Variants in MYL5 observed in about 807,000 individuals in gnomAD.
The protein encoded by MYL5 is myosin regulatory light chain 5.
In MYL5, 28 loss-of-function variants were observed where a neutral mutation model predicts 20.8. The ratio of observed to expected loss-of-function variants is 1.35; its 90% CI spans 1.00 to 1.84. MYL5 has a LOEUF of 1.84. Ranked by LOEUF, MYL5 falls within the 40% of genes most tolerant of loss-of-function variation. The pLI, the probability that MYL5 is intolerant of heterozygous loss-of-function variation, is 0.00. For synonymous variants in MYL5, 118 were observed against 87.4 expected (o/e 1.35, Z -1.95); for missense variants, 274 against 227.3 (o/e 1.21, Z -1.32).
chr4:681,405 G>A (rs1179925302), intron 6 of MYL5, among the ~76,000 whole-genome samples: 1 of 152,014 alleles, frequency 6.6e-6, no homozygotes, highest in Non-Finnish European at 1.5e-5. Context: ...CAGCCGGAGG[G>A]GCGGGGCTCA....
exon 4 of MYL5, chr4:679,930 G>A (rs765054495): frequency 6.2e-7 from 1 of 1,613,758 alleles, no homozygotes. Flanking sequence ...CCAACGTCAA[G>A]GACGACGAGC....
intron 5 of MYL5, 75 bp from the exon 8 acceptor site, chr4:681,017 G>C (rs1739424601): frequency 6.6e-7 from 1 of 1,517,256 alleles, no homozygotes; most frequent in Non-Finnish European, 8.9e-7. Context: ...TGGGGCCCCT[G>C]GAGCACCTGA....
chr4:679,766 A>G, intron 3 of MYL5, 148 bp from the exon 6 acceptor site: 1 of 651,902 alleles, frequency 1.5e-6, no homozygotes. Flanking sequence ...AGATGCACCC[A>G]CTGCCCCACG....
upstream of MYL5, chr4:677,837 C>A: frequency 1.1e-6 from 1 of 901,460 alleles, no homozygotes; most frequent in Non-Finnish European, 1.8e-6. Flanking sequence ...TGAGGCAGGG[C>A]AAGGGTGTGA....
chr4:679,170 C>CG (rs1365566147), intron 3 of MYL5, 137 bp downstream of exon 5: 1 of 869,416 alleles, frequency 1.2e-6, no homozygotes, highest in Non-Finnish European at 1.9e-6. Flanking sequence ...CCTGAAGCTG[C>CG]AAGGTGATGG....
At chr4:678,716 C>T (rs1275846445) in exon 2 of MYL5, 3 of 1,612,338 alleles carry the variant, frequency 1.9e-6, no homozygotes, top group South Asian at 1.1e-5. Flanking sequence ...AGAGCCTCAT[C>T]CAATGTCTTC....
intron 5 of MYL5, chr4:680,852 G>A: frequency 1.6e-6 from 1 of 636,042 alleles, no homozygotes; most frequent in Middle Eastern, 4.3e-4. Flanking sequence ...AGGCGCCGGG[G>A]AAAGTACCAG....
intron 6 of MYL5, among the ~76,000 whole-genome samples, chr4:681,543 C>A (rs1739542447): frequency 6.7e-6 from 1 of 148,634 alleles, no homozygotes; most frequent in Admixed American, 6.7e-5. Flanking sequence ...TCCTCCCCGA[C>A]GCTGCTGAAG....
intron 1 of MYL5, 107 bp from the exon 4 acceptor site, chr4:678,551 G>C: frequency 6.7e-7 from 1 of 1,482,402 alleles, no homozygotes; most frequent in Non-Finnish European, 9.0e-7. Context: ...CCAGCCCGAA[G>C]GGCTGAGGTC....
chr4:678,196 G>T, intron 1 of MYL5, 167 bp downstream of exon 3: 2 of 1,524,110 alleles, frequency 1.3e-6, no homozygotes, highest in Non-Finnish European at 1.8e-6. Context: ...GTGTATGTGC[G>T]TGTGTGTGAC....
Position 680,508 on chromosome 4 carries a change from G to A in MYL5, c.293-1G>A, listed in dbSNP as rs1315773708. 1.2e-6 allele frequency: 2 copies of A among 1,613,474 alleles called. No homozygotes were observed. The highest frequency in any genetic ancestry group is 1.7e-6 in the Non-Finnish European group (2 of 1,179,902). ...CTGGGCTGAAGGTGCCTTTGTGGCA[G>A]GTACCGACGCCGAGGAGACCATTCT... On this transcript the variant is annotated splice_acceptor_variant, in intron 4 of 6. Transcript: ENST00000400159. LOFTEE classifies it high-confidence loss of function.
At chr4:681,224 C>T (rs1186021016) in intron 6 of MYL5, 84 bp downstream of exon 8, 7 of 1,493,608 alleles carry the variant, frequency 4.7e-6, no homozygotes, top group Non-Finnish European at 6.4e-6. Context: ...ACGCGGAGCC[C>T]GAGGAGCAGC....
At chr4:677,088 C>A (rs1370585533), upstream of MYL5, among the ~76,000 whole-genome samples, 1 of 152,228 alleles carries the variant, frequency 6.6e-6, no homozygotes, top group Non-Finnish European at 1.5e-5. Flanking sequence ...GTCACTCCCA[C>A]CACTGCCCCT....
Position 681,939 on chromosome 4 carries a change from T to G in MYL5, c.467T>G (p.Leu156Arg), listed in dbSNP as rs1294470632. 3.0e-6 allele frequency: 4 copies of G among 1,332,112 alleles called. No homozygotes were observed. The highest frequency in any genetic ancestry group is 3.9e-6 in the Non-Finnish European group (4 of 1,029,830). The allele number at this position is 1,332,112 out of a possible 1,614,324, so 82.5% of individuals were successfully genotyped here. The change falls in exon 7 of 7, where the codon CTG (leucine) becomes CGG (arginine). Residue 156 changes from leucine (L) to arginine (R), a missense_variant. Coordinates refer to ENST00000400159, the Ensembl canonical transcript of MYL5. ...GCCTCCATCGATGTGGCGGGCAACC[T>G]GGACTACAAGGCGCTCAGCTACGTG...
upstream of MYL5, among the ~76,000 whole-genome samples, chr4:676,667 C>T (rs1047436027): frequency 1.3e-5 from 2 of 152,012 alleles, no homozygotes; most frequent in African/African-American, 4.8e-5. Context: ...CCTCGGGGGG[C>T]CTCCCAACCA....
At chr4:680,415 G>T (rs1739339340) in intron 4 of MYL5, 94 bp from the exon 7 acceptor site, 2 of 1,293,058 alleles carry the variant, frequency 1.5e-6, no homozygotes, top group African/African-American at 1.5e-5. Flanking sequence ...GTCTCCCCCT[G>T]CTTGGGGCAG....
At chr4:676,357 G>C (rs1738837791), upstream of MYL5, 1 of 152,368 alleles carries the variant, frequency 6.6e-6, no homozygotes, top group South Asian at 2.1e-4. Flanking sequence ...GGTGGGGCGG[G>C]GCAGGGCACC....
chr4:679,983 C>T lies in MYL5; in HGVS notation c.257C>T (p.Thr86Ile), dbSNP rs61748885. 34,955 of 1,613,482 alleles carry T rather than the reference C, an allele frequency of 0.022. 2,107 individuals carry two copies. The East Asian group carries it at 0.26, about 12-fold the overall frequency. The change falls in exon 4 of 7, where the codon ACC becomes ATC. Residue 86 changes from threonine to isoleucine, a missense_variant. Thr to Ile is a moderately conservative substitution (Grantham distance 89). Coordinates refer to ENST00000400159, the Ensembl canonical transcript of MYL5. ...GAGGCCTCGGGGCCCATCAACTTCACCATGTTTCTGAACCTGTTTGGGGAG... is the reference window on the plus strand; with the variant it reads ...GAGGCCTCGGGGCCCATCAACTTCATCATGTTTCTGAACCTGTTTGGGGAG...
At chr4:678,383 T>C (rs1022172188) in intron 1 of MYL5, 2 of 1,414,222 alleles carry the variant, frequency 1.4e-6, no homozygotes, top group African/African-American at 2.9e-5. Flanking sequence ...TGGCTCCTGC[T>C]GGACGGCGAT....
Sources: gnomAD v4.1 joint callset for allele counts (sites outside exome capture counted in the v4.1 genomes callset) on GRCh38, gnomAD v4.1.1 for gene constraint, MANE v1.5 for transcripts, NCBI Gene and HGNC (gene_info 2026-07-23, HGNC 2026-07-21) for gene names.